DLGAP1: variants seen among roughly 807,000 people sequenced by gnomAD.
DLGAP1 encodes the protein DLG associated protein 1.
In DLGAP1, 11 loss-of-function variants were observed where a neutral mutation model predicts 90.8. The observed-to-expected ratio is 0.12, with a 90% CI of 0.08 to 0.20. The LOEUF (loss-of-function observed/expected upper bound fraction) is 0.20. DLGAP1 is among the 10% of genes least tolerant of loss of function. The pLI is 1.00. For synonymous variants in DLGAP1, 558 were observed against 540.7 expected, an observed-to-expected ratio of 1.03 and a Z score of -0.44; for missense variants, 1,050 against 1,333.8, an observed-to-expected ratio of 0.79 and a Z score of 3.31.
chr18:3,736,340 CAT>C (rs1287026746), intron 6 of DLGAP1, among the ~76,000 whole-genome samples: 2 of 152,110 alleles, frequency 1.3e-5, no homozygotes, highest in African/African-American at 4.8e-5. Context: ...AAATAATAAA[CAT>C]AAAAACATAC....
At chr18:3,547,683 C>T (rs188747386) in intron 9 of DLGAP1, among the ~76,000 whole-genome samples, 8 of 152,150 alleles carry the variant, frequency 5.3e-5, no homozygotes, top group Admixed American at 1.3e-4. Flanking sequence ...GATGGTAAAA[C>T]GGTGCAGCCA....
intron 4 of DLGAP1, among the ~76,000 whole-genome samples, chr18:3,853,955 C>T (rs537879501): frequency 6.6e-6 from 1 of 151,982 alleles, no homozygotes; most frequent in Non-Finnish European, 1.5e-5. Context: ...GGTGACTTTA[C>T]TCAGAGGTTT....
intron 7 of DLGAP1, chr18:3,606,559 T>C (rs1450493097): frequency 3.3e-5 from 5 of 152,200 alleles, no homozygotes; most frequent in Non-Finnish European, 1.5e-5. Context: ...GACAGAAAAG[T>C]ATAGTAAGAA....
Position 3,727,119 on chromosome 18 carries a change from G to A in DLGAP1, c.1591+2016C>T, listed in dbSNP as rs1231282096. 2.6e-5 allele frequency among the ~76,000 whole-genome samples: 4 copies of A among 152,162 alleles called. No homozygotes were observed. The highest frequency in any genetic ancestry group is 9.7e-5 in the African/African-American group (4 of 41,424). ...GTTCTGTAGTATAAGTGTTTCTCAT[G>A]CAATATTTGGGATATACCTATCCAG... On this transcript the variant is annotated intron_variant, in intron 7 of 12. Coordinates refer to ENST00000315677, the MANE Select transcript of DLGAP1 (RefSeq NM_004746.4). The surrounding 1 kb of genome is among the most constrained non-coding windows in gnomAD (Gnocchi z 4.7).
At chr18:3,807,331 T>C (rs2066613218) in intron 5 of DLGAP1, among the ~76,000 whole-genome samples, 1 of 152,204 alleles carries the variant, frequency 6.6e-6, no homozygotes, top group South Asian at 2.1e-4. Context: ...ACTGCAGTCT[T>C]AGTAAGTTCA....
At chr18:3,642,370 G>C (rs577518443) in intron 7 of DLGAP1, among the ~76,000 whole-genome samples, 2 of 152,138 alleles carry the variant, frequency 1.3e-5, no homozygotes, top group African/African-American at 2.4e-5. Context: ...TCAGATTTTG[G>C]AGCATTTTCG....
At chr18:4,140,911 G>C (rs1037032208) in intron 2 of DLGAP1, among the ~76,000 whole-genome samples, 6 of 152,012 alleles carry the variant, frequency 3.9e-5, no homozygotes, top group African/African-American at 1.4e-4. Context: ...AGATATATTG[G>C]AGATCCATTG....
At chr18:3,927,057 A>C (rs570979083) in intron 3 of DLGAP1, among the ~76,000 whole-genome samples, 1 of 152,346 alleles carries the variant, frequency 6.6e-6, no homozygotes, top group South Asian at 2.1e-4. Context: ...AAGATTACAC[A>C]GCCCATACTA....
chr18:3,532,903 T>G (rs77609306), intron 10 of DLGAP1, among the ~76,000 whole-genome samples: 3 of 152,168 alleles, frequency 2.0e-5, no homozygotes, highest in Non-Finnish European at 2.9e-5. Context: ...GTAATTTGAT[T>G]ATTTTTCTTT....
intron 1 of DLGAP1, among the ~76,000 whole-genome samples, chr18:4,243,684 C>T (rs542839157): frequency 1.3e-5 from 2 of 152,260 alleles, no homozygotes; most frequent in East Asian, 3.9e-4. Context: ...AGAGCACTTA[C>T]TTCAGTGATA....
intron 4 of DLGAP1, among the ~76,000 whole-genome samples, chr18:3,837,235 GTTTAAACCTCCATTATGATGAATTAGC>G (rs1337998089): frequency 7.2e-5 from 11 of 152,066 alleles, no homozygotes; most frequent in Admixed American, 5.2e-4. Flanking sequence ...TTCCTTTTAT[GTTTAAACCTCCATTATGATGAATTAGC>G]TTTCCTTCCT....
chr18:4,303,272 AT>A lies in DLGAP1; in HGVS notation c.-267+151733del, dbSNP rs111756809. Among the ~76,000 whole-genome samples, 249 of 150,388 alleles carry A rather than the reference AT, an allele frequency of 1.7e-3. 1 individual carries two copies. The highest frequency in any genetic ancestry group is 4.6e-3 in the South Asian group (22 of 4,734). On this transcript the variant is annotated intron_variant, in intron 1 of 12. Transcript: ENST00000315677. ...CAAAAGAAGAGAAAGGTATTATTCT[AT>A]TTTTTTTTTCATTAGCAAAGTTGGG...
chr18:3,850,361 T>C (rs2069268141), intron 4 of DLGAP1, among the ~76,000 whole-genome samples: 1 of 151,358 alleles, frequency 6.6e-6, no homozygotes, highest in Admixed American at 6.6e-5. Context: ...CACTGCACTC[T>C]AGTCTGGGTG....
intron 7 of DLGAP1, among the ~76,000 whole-genome samples, chr18:3,659,442 A>ACCCC (rs1339165633): frequency 5.3e-5 from 5 of 94,268 alleles, no homozygotes; most frequent in African/African-American, 3.2e-4. Context: ...CACGGATGCT[A>ACCCC]CCACCCCCCG....
chr18:4,156,412 A>G (rs1444755815), intron 1 of DLGAP1, among the ~76,000 whole-genome samples: 1 of 152,244 alleles, frequency 6.6e-6, no homozygotes, highest in Non-Finnish European at 1.5e-5. Flanking sequence ...GGAATGCAAC[A>G]TATTTTAATT....
chr18:4,405,751 C>T (rs548205981), intron 1 of DLGAP1, among the ~76,000 whole-genome samples: 2 of 152,286 alleles, frequency 1.3e-5, no homozygotes, highest in South Asian at 4.2e-4. Context: ...AGGGAGTTCA[C>T]TTAAAACACT....
At chr18:4,390,940 C>A (rs907803684) in intron 1 of DLGAP1, among the ~76,000 whole-genome samples, 2 of 152,134 alleles carry the variant, frequency 1.3e-5, no homozygotes, top group African/African-American at 4.8e-5. Flanking sequence ...CATCAGCCTG[C>A]GCTCATCTTG....
chr18:3,842,455 T>A (rs2068770904), intron 4 of DLGAP1, among the ~76,000 whole-genome samples: 1 of 152,152 alleles, frequency 6.6e-6, no homozygotes. Context: ...ATGAACTGGA[T>A]TTAGGAGAAA....
Position 3,729,498 on chromosome 18 carries a change from G to T in DLGAP1, c.1351-123C>A. On this transcript the variant is annotated intron_variant, in intron 6 of 12. Transcript: ENST00000315677. The surrounding 1 kb of genome is among the most constrained non-coding windows in gnomAD (Gnocchi z 6.2). ...GCGTCTGGTTAGATTAAGCTCAAATGCATTTTATTTCCTTTCTGTTACAGG... is the reference window on the plus strand; with the variant it reads ...GCGTCTGGTTAGATTAAGCTCAAATTCATTTTATTTCCTTTCTGTTACAGG... 3 of 1,318,216 alleles carry T rather than the reference G, an allele frequency of 2.3e-6. No homozygotes were observed. Among genetic ancestry groups the T allele is most frequent in the Non-Finnish European group, 3.1e-6 (3 of 972,598 alleles). 81.7% of individuals were successfully genotyped at this position (1,318,216 alleles called of 1,614,324 possible). A position where few individuals can be genotyped will look rare whatever the true frequency, so the allele number is the denominator to read the frequency against.
Sources: allele counts gnomAD v4.1 joint callset (sites outside exome capture counted in the v4.1 genomes callset), GRCh38; gene constraint gnomAD v4.1.1; non-coding constraint Gnocchi (gnomAD v3.1); transcripts MANE v1.5; gene names NCBI Gene and HGNC (gene_info 2026-07-23, HGNC 2026-07-21).